The following PCDHGA12 variants were observed in gnomAD, a reference collection of about 807,000 sequenced individuals.
PCDHGA12 encodes protocadherin gamma-A12.
In PCDHGA12, 43 loss-of-function variants were observed where a neutral mutation model predicts 61.1. That is an observed-to-expected ratio of 0.70 (90% CI 0.55 to 0.91). The LOEUF is 0.91. PCDHGA12 is among the 40% of genes least tolerant of loss of function. The probability of loss-of-function intolerance (pLI) is 0.00; values close to 1 mark genes in which losing one functional copy is unlikely to be tolerated. For missense variants in PCDHGA12, 1,236 were observed against 1,227.7 expected, an observed-to-expected ratio of 1.01 and a Z score of -0.10; for synonymous variants, 520 against 542.9, an observed-to-expected ratio of 0.96 and a Z score of 0.59.
At chr5:141,498,964 G>A (rs1342764380) in intron 2 of PCDHGA12, among the ~76,000 whole-genome samples, 2 of 127,572 alleles carry the variant, frequency 1.6e-5, no homozygotes, top group Admixed American at 8.7e-5. Context: ...AGAGAGGGAG[G>A]GAGGGAGGGA....
intron 1 of PCDHGA12, among the ~76,000 whole-genome samples, chr5:141,474,185 C>T (rs1481544975): frequency 1.3e-5 from 2 of 152,180 alleles, no homozygotes; most frequent in Non-Finnish European, 2.9e-5. Flanking sequence ...AAACTACTTA[C>T]ATTTTTAAAA....
At chr5:141,484,352 T>A (rs112226980) in intron 1 of PCDHGA12, among the ~76,000 whole-genome samples, 8,127 of 152,270 alleles carry the variant, frequency 0.053, 445 homozygotes, top group African/African-American at 0.15. Context: ...TAATTTAGTG[T>A]ATCTAGTGTA....
rs758132181 is a variant in PCDHGA12, at chr5:141,486,827, C to T, written c.2425-7980C>T. On this transcript the variant is annotated intron_variant, in intron 1 of 3. Coordinates refer to ENST00000252085, the MANE Select transcript of PCDHGA12 (RefSeq NM_003735.3). This position sits in a 1 kb window ranked among gnomAD's most constrained non-coding sequence, Gnocchi z 5.0. The stretch of plus-strand genomic sequence containing the variant: ...ACCCCTTAGCAGCACTGTAACAGTT[C>T]GTCTATTTGTGCTGGACCTCAATGA... 10 of 1,614,110 alleles carry T rather than the reference C, an allele frequency of 6.2e-6. No individual in the cohort carries two copies. The African/African-American group carries it at 8.0e-5, about 13-fold the overall frequency.
In PCDHGA12 at chr5:141,456,878, G is replaced by T. The variant is rs71583646; in HGVS notation, c.2424+23695G>T. On this transcript the variant is annotated intron_variant, in intron 1 of 3. Coordinates refer to ENST00000252085, the MANE Select transcript of PCDHGA12 (RefSeq NM_003735.3). ...ATTGGGAGGCTGAGGCAGGAGAATCGCTTGAACCCGGGAGGCAGAGGTTGC... is the reference window on the plus strand; with the variant it reads ...ATTGGGAGGCTGAGGCAGGAGAATCTCTTGAACCCGGGAGGCAGAGGTTGC... Among the ~76,000 whole-genome samples, 307 of 152,160 alleles carry T rather than the reference G, an allele frequency of 2.0e-3. 1 individual carries two copies. The highest frequency in any genetic ancestry group is 0.01 in the Middle Eastern group (3 of 294).
At chr5:141,465,779 G>GTT (rs879859429) in intron 1 of PCDHGA12, among the ~76,000 whole-genome samples, 3 of 145,118 alleles carry the variant, frequency 2.1e-5, no homozygotes, top group Non-Finnish European at 3.0e-5. Context: ...TCTTGTTACA[G>GTT]TTTTTTTTTT....
In PCDHGA12 at chr5:141,489,353, A is replaced by G. The variant is rs1423278514; in HGVS notation, c.2425-5454A>G. 3.7e-6 allele frequency: 6 copies of G among 1,612,316 alleles called. No homozygotes were observed. In the African/African-American group the frequency reaches 6.7e-5, roughly 18 times the overall value. ...CAGCTTCGTTACTCAGTGGTGGAGG[A>G]GTCTGAGCCGGGGACGCTGGTGGGG... On this transcript the variant is annotated intron_variant, in intron 1 of 3. Transcript: ENST00000252085. This position sits in a 1 kb window ranked among gnomAD's most constrained non-coding sequence, Gnocchi z 4.5.
chr5:141,511,351 C>G lies in PCDHGA12; in HGVS notation c.*178C>G, dbSNP rs1190324197. On this transcript the variant is annotated 3_prime_UTR_variant, in exon 4 of 4. Coordinates refer to ENST00000252085, the MANE Select transcript of PCDHGA12 (RefSeq NM_003735.3). The stretch of plus-strand genomic sequence containing the variant: ...CCAGTCAGCACCTACCCCTTCCCCC[C>G]CAGGGGGTTGAATATGCAAAAGCAG... 6 of 1,386,432 alleles carry G rather than the reference C, an allele frequency of 4.3e-6. No individual in the cohort carries two copies. The highest frequency in any genetic ancestry group is 2.9e-5 in the African/African-American group (2 of 68,574). The allele number at this position is 1,386,432 out of a possible 1,614,324, so 85.9% of individuals were successfully genotyped here.
In PCDHGA12 at chr5:141,491,832, C is replaced by A; in HGVS notation, c.2425-2975C>A. On this transcript the variant is annotated intron_variant, in intron 1 of 3. Coordinates refer to ENST00000252085, the MANE Select transcript of PCDHGA12 (RefSeq NM_003735.3). The surrounding 1 kb of genome is among the most constrained non-coding windows in gnomAD (Gnocchi z 6.9). ...GTCGCTGGCTGCGCTCCACCCGATT[C>A]TCGGGATCATTGGACCGTTTGCGCG... 6.8e-7 allele frequency: 1 copy of A among 1,474,424 alleles called. No individual in the cohort carries two copies. 91.3% of individuals were successfully genotyped at this position (1,474,424 alleles called of 1,614,324 possible).
chr5:141,459,232 G>C (rs1293027771), intron 1 of PCDHGA12, among the ~76,000 whole-genome samples: 1 of 152,152 alleles, frequency 6.6e-6, no homozygotes, highest in Non-Finnish European at 1.5e-5. Context: ...GCAACAACTG[G>C]TCTGCTTCCT....
chr5:141,507,872 C>T (rs2099864458), intron 3 of PCDHGA12, among the ~76,000 whole-genome samples: 1 of 152,168 alleles, frequency 6.6e-6, no homozygotes, highest in African/African-American at 2.4e-5. Flanking sequence ...GCTTCCTAGC[C>T]CTGAAACCAG....
chr5:141,491,662 A>C lies in PCDHGA12; in HGVS notation c.2425-3145A>C. 2 of 1,613,770 alleles carry C rather than the reference A, an allele frequency of 1.2e-6. No homozygotes were observed. The highest frequency in any genetic ancestry group is 1.7e-6 in the Non-Finnish European group (2 of 1,180,018). ...AGCTCTGGCGCTGGAGCCTGACGCC[A>C]TCCGGTCCCGCTCTAATACGCTGCG... On this transcript the variant is annotated intron_variant, in intron 1 of 3. Coordinates refer to ENST00000252085, the MANE Select transcript of PCDHGA12 (RefSeq NM_003735.3). This position sits in a 1 kb window ranked among gnomAD's most constrained non-coding sequence, Gnocchi z 6.9.
intron 1 of PCDHGA12, among the ~76,000 whole-genome samples, chr5:141,439,043 G>T (rs1688170264): frequency 6.6e-6 from 1 of 151,346 alleles, no homozygotes; most frequent in Non-Finnish European, 1.5e-5. Flanking sequence ...CAGTTCATAA[G>T]ATTTCCATAT....
intron 1 of PCDHGA12, among the ~76,000 whole-genome samples, chr5:141,455,419 G>T (rs1462099602): frequency 6.6e-6 from 1 of 152,124 alleles, no homozygotes; most frequent in Non-Finnish European, 1.5e-5. Flanking sequence ...AGGGAGCGGG[G>T]CTCCAAAAGA....
chr5:141,445,576 G>A (rs1459010134), intron 1 of PCDHGA12, among the ~76,000 whole-genome samples: 1 of 152,158 alleles, frequency 6.6e-6, no homozygotes, highest in Non-Finnish European at 1.5e-5. Flanking sequence ...TTATAGTAGG[G>A]AAGCTTCGCC....
rs1386912520 is a variant in PCDHGA12 at position 141,505,425 on chromosome 5, C to T, written c.2516C>T (p.Pro839Leu). 1.2e-6 allele frequency: 2 copies of T among 1,614,060 alleles called. No individual in the cohort carries two copies. The highest frequency in any genetic ancestry group is 1.7e-6 in the Non-Finnish European group (2 of 1,180,022). The change falls in exon 3 of 4, where the codon CCC becomes CTC. Residue 839 changes from proline to leucine, a missense_variant. Physicochemically the swap from Pro to Leu is moderately conservative, Grantham distance 98 (BLOSUM62 -3). Transcript: ENST00000252085. ...AATGGCGATGACACCGGCACCTGGC[C>T]CAACAACCAGTTTGACACAGAGATG... ...SQNGDDTGTW[P>L]NNQFDTEMLQ... is the part of the protein sequence containing the mutation.
intron 1 of PCDHGA12, among the ~76,000 whole-genome samples, chr5:141,473,390 A>T (rs554428702): frequency 1.3e-5 from 2 of 152,190 alleles, no homozygotes; most frequent in Non-Finnish European, 2.9e-5. Flanking sequence ...GCCCTCCTGG[A>T]GCTTCTTTTT....
rs72790062 is a variant in PCDHGA12, at chr5:141,476,031, C to A, written c.2425-18776C>A. On this transcript the variant is annotated intron_variant, in intron 1 of 3. Coordinates refer to ENST00000252085, the MANE Select transcript of PCDHGA12 (RefSeq NM_003735.3). The surrounding 1 kb of genome is among the most constrained non-coding windows in gnomAD (Gnocchi z 7.6). Reference sequence around the variant, plus strand: ...AAGCCATGTCGGACTCGGCGCCCAGCGCCCAAGCGCTAACCCGCTGAAAGT... The same window carrying A: ...AAGCCATGTCGGACTCGGCGCCCAGAGCCCAAGCGCTAACCCGCTGAAAGT... 6.9e-6 allele frequency: 10 copies of A among 1,457,214 alleles called. No homozygotes were observed. The highest frequency in any genetic ancestry group is 9.1e-6 in the Non-Finnish European group (10 of 1,094,860). 90.3% of individuals were successfully genotyped at this position (1,457,214 alleles called of 1,614,324 possible).
chr5:141,463,938 T>A (rs1378018670), intron 1 of PCDHGA12, among the ~76,000 whole-genome samples: 3 of 152,168 alleles, frequency 2.0e-5, no homozygotes, highest in Non-Finnish European at 4.4e-5. Context: ...TATAAATTTA[T>A]AGAAATCTTC....
chr5:141,495,817 T>G (rs2099764054), intron 2 of PCDHGA12, among the ~76,000 whole-genome samples: 1 of 152,110 alleles, frequency 6.6e-6, no homozygotes, highest in African/African-American at 2.4e-5. Context: ...TAGCGCCTTG[T>G]GTTCTTCTAT....
Sources: allele counts gnomAD v4.1 joint callset (sites outside exome capture counted in the v4.1 genomes callset), GRCh38; gene constraint gnomAD v4.1.1; non-coding constraint Gnocchi (gnomAD v3.1); transcripts MANE v1.5; gene names NCBI Gene and HGNC (gene_info 2026-07-23, HGNC 2026-07-21).